Variants in RALYL observed in about 807,000 individuals in gnomAD.
The protein encoded by RALYL is RALY RNA binding protein like, also known as RNA-binding Raly-like protein.
RALYL carries 29 observed loss-of-function variants against 35.1 expected under a neutral mutation model. That is an observed-to-expected ratio of 0.83 (90% CI 0.61 to 1.13). The LOEUF (loss-of-function observed/expected upper bound fraction) is 1.13, where lower values mean the gene tolerates loss of function less well. Ranked by LOEUF, RALYL falls within the 50% of genes most tolerant of loss-of-function variation. RALYL has a pLI of 0.00. For synonymous variants in RALYL, 120 were observed against 127.6 expected (o/e 0.94, Z 0.40); for missense variants, 359 against 360.4 (o/e 1.00, Z 0.03).
intron 1 of RALYL, among the ~76,000 whole-genome samples, chr8:84,301,053 G>C (rs1021899065): frequency 6.6e-6 from 1 of 151,892 alleles, no homozygotes; most frequent in Non-Finnish European, 1.5e-5. Flanking sequence ...CCTGTGTAAG[G>C]TACCTCTTAT....
At chr8:84,195,242 G>A (rs1222955131) in intron 1 of RALYL, among the ~76,000 whole-genome samples, 1 of 151,896 alleles carries the variant, frequency 6.6e-6, no homozygotes, top group African/African-American at 2.4e-5. Context: ...CACTGTATTT[G>A]GGTCAACATG....
In RALYL at chr8:84,727,476, T is replaced by A. The variant is rs576132475; in HGVS notation, c.257-47103T>A. 3.9e-5 allele frequency among the ~76,000 whole-genome samples: 6 copies of A among 152,174 alleles called. No homozygotes were observed. In the South Asian group the frequency reaches 6.2e-4, roughly 16 times the overall value. On this transcript the variant is annotated intron_variant, in intron 2 of 8. Transcript: ENST00000521268. ...TCTTTTCATTTTTTTTATTTTATTT[T>A]TTATTATTATTATATTTCAAGTTTT...
At chr8:84,548,269 T>C (rs899311148) in intron 2 of RALYL, among the ~76,000 whole-genome samples, 3 of 152,164 alleles carry the variant, frequency 2.0e-5, no homozygotes, top group Non-Finnish European at 4.4e-5. Flanking sequence ...CACATGTCTC[T>C]TCTAGCATAG....
intron 1 of RALYL, among the ~76,000 whole-genome samples, chr8:84,472,793 T>G (rs1333386739): frequency 6.6e-6 from 1 of 152,198 alleles, no homozygotes; most frequent in Non-Finnish European, 1.5e-5. Context: ...CAGTTTTTAC[T>G]TTTTCAAAAT....
At chr8:84,909,956 C>T (rs750548860) in intron 8 of RALYL, among the ~76,000 whole-genome samples, 1 of 152,096 alleles carries the variant, frequency 6.6e-6, no homozygotes, top group African/African-American at 2.4e-5. Context: ...AACAGGTCCT[C>T]ATCTCCCACT....
chr8:84,336,719 G>A (rs895336080), intron 1 of RALYL, among the ~76,000 whole-genome samples: 34 of 151,914 alleles, frequency 2.2e-4, no homozygotes, highest in African/African-American at 7.7e-4. Flanking sequence ...CCTTTTCGTG[G>A]TATTAAACAG....
At chr8:84,609,762 C>T (rs577729686) in intron 2 of RALYL, among the ~76,000 whole-genome samples, 1 of 152,232 alleles carries the variant, frequency 6.6e-6, no homozygotes, top group Non-Finnish European at 1.5e-5. Context: ...ATGTGTTAGT[C>T]TGTTCTCATG....
At chr8:84,505,133 C>G (rs749272752) in intron 1 of RALYL, among the ~76,000 whole-genome samples, 8 of 152,222 alleles carry the variant, frequency 5.3e-5, no homozygotes, top group Non-Finnish European at 1.0e-4. Context: ...ATACACCTGC[C>G]TCCATCTTTT....
At chr8:84,189,935 T>C (rs190373682) in intron 1 of RALYL, among the ~76,000 whole-genome samples, 63 of 152,288 alleles carry the variant, frequency 4.1e-4, no homozygotes, top group African/African-American at 1.5e-3. Flanking sequence ...CACACATCTC[T>C]TCAAGACGGG....
At chr8:84,821,473 TTTAA>T (rs547764117) in intron 4 of RALYL, among the ~76,000 whole-genome samples, 75 of 152,306 alleles carry the variant, frequency 4.9e-4, no homozygotes, top group Non-Finnish European at 8.8e-4. Context: ...AAATAATAGC[TTTAA>T]TTATTCAGGA....
chr8:84,772,540 A>T (rs933776419), intron 2 of RALYL, among the ~76,000 whole-genome samples: 3 of 152,044 alleles, frequency 2.0e-5, no homozygotes, highest in Non-Finnish European at 2.9e-5. Flanking sequence ...TTTTTTCATT[A>T]AGGTCTTTCA....
At chr8:84,916,575 T>C (rs1587225501) in intron 8 of RALYL, among the ~76,000 whole-genome samples, 1 of 152,080 alleles carries the variant, frequency 6.6e-6, no homozygotes, top group South Asian at 2.1e-4. Context: ...GCCATCCATG[T>C]AAGATGTGAC....
intron 1 of RALYL, among the ~76,000 whole-genome samples, chr8:84,469,858 C>A (rs1383739095): frequency 6.6e-6 from 1 of 152,156 alleles, no homozygotes; most frequent in African/African-American, 2.4e-5. Context: ...GTTTTTTAAG[C>A]CCGTCGGAAA....
intron 2 of RALYL, among the ~76,000 whole-genome samples, chr8:84,712,541 T>G (rs1487045156): frequency 1.3e-5 from 2 of 152,162 alleles, no homozygotes; most frequent in Non-Finnish European, 2.9e-5. Context: ...AAAGGTCACT[T>G]TTGTACCAGG....
At chr8:84,312,269 G>A (rs1216517011) in intron 1 of RALYL, among the ~76,000 whole-genome samples, 1 of 152,050 alleles carries the variant, frequency 6.6e-6, no homozygotes, top group African/African-American at 2.4e-5. Flanking sequence ...GAACACATGG[G>A]GATTACAATT....
chr8:84,569,404 T>C (rs1588238014), intron 2 of RALYL, among the ~76,000 whole-genome samples: 1 of 151,992 alleles, frequency 6.6e-6, no homozygotes, highest in South Asian at 2.1e-4. Flanking sequence ...CCCATTGATC[T>C]ATATTTTCCC....
In RALYL at chr8:84,897,266, C is replaced by T. The variant is rs534130752; in HGVS notation, c.858+9490C>T. ...CTATTGTTATGATCATCTCATTTTG[C>T]CAGTGAAGCTTTCAATAAAACATTA... On this transcript the variant is annotated intron_variant, in intron 8 of 8. Transcript: ENST00000521268. 3.3e-5 allele frequency among the ~76,000 whole-genome samples: 5 copies of T among 152,202 alleles called. 1 individual carries two copies. The South Asian group carries it at 1.0e-3, about 32-fold the overall frequency.
chr8:84,327,149 G>A (rs1845951161), intron 1 of RALYL, among the ~76,000 whole-genome samples: 1 of 152,172 alleles, frequency 6.6e-6, no homozygotes, highest in Admixed American at 6.6e-5. Context: ...TAGGAATGTA[G>A]TGCAGTGAAA....
intron 3 of RALYL, among the ~76,000 whole-genome samples, chr8:84,776,067 T>C (rs1456769989): frequency 6.6e-6 from 1 of 152,246 alleles, no homozygotes; most frequent in Non-Finnish European, 1.5e-5. Context: ...TTCCTTTTTC[T>C]CTGATATCAT....
Sources: gnomAD v4.1 joint callset for allele counts (sites outside exome capture counted in the v4.1 genomes callset) on GRCh38, gnomAD v4.1.1 for gene constraint, MANE v1.5 for transcripts, NCBI Gene and HGNC (gene_info 2026-07-23, HGNC 2026-07-21) for gene names.